The following CAMK4 variants were observed in gnomAD, a reference collection of about 807,000 sequenced individuals.
CAMK4 encodes calcium/calmodulin-dependent protein kinase type IV.
A neutral mutation model predicts 44.9 loss-of-function variants in CAMK4; 22 were observed. The observed-to-expected ratio is 0.49, with a 90% CI of 0.35 to 0.70. CAMK4 has a LOEUF of 0.70. CAMK4 is among the 30% of genes least tolerant of loss of function. CAMK4 has a pLI of 0.01. For missense variants in CAMK4, 498 were observed against 586.8 expected (o/e 0.85, Z 1.56); for synonymous variants, 218 against 215.4 (o/e 1.01, Z -0.11).
At chr5:111,296,975 G>A (rs543851297) in intron 1 of CAMK4, among the ~76,000 whole-genome samples, 17 of 152,298 alleles carry the variant, frequency 1.1e-4, no homozygotes, top group African/African-American at 4.1e-4. Flanking sequence ...AGGTTTTAAA[G>A]GTGAAAACTT....
At chr5:111,355,486 T>TTTATTTA (rs1554064297) in intron 2 of CAMK4, among the ~76,000 whole-genome samples, 1 of 146,822 alleles carries the variant, frequency 6.8e-6, no homozygotes, top group Admixed American at 6.8e-5. Context: ...TCTGCATTCT[T>TTTATTTA]TTTATTTATT....
intron 1 of CAMK4, among the ~76,000 whole-genome samples, chr5:111,284,483 G>A (rs1751155854): frequency 6.6e-6 from 1 of 152,044 alleles, no homozygotes; most frequent in South Asian, 2.1e-4. Context: ...AACCTTTGAG[G>A]GCTGACTTGT....
At chr5:111,382,471 T>C (rs1297367579) in intron 4 of CAMK4, among the ~76,000 whole-genome samples, 1 of 152,206 alleles carries the variant, frequency 6.6e-6, no homozygotes, top group African/African-American at 2.4e-5. Context: ...AAATTAGTCA[T>C]CAATGTAATT....
intron 7 of CAMK4, among the ~76,000 whole-genome samples, chr5:111,465,636 C>T (rs1356914553): frequency 6.6e-6 from 1 of 152,106 alleles, no homozygotes; most frequent in Non-Finnish European, 1.5e-5. Flanking sequence ...AAATATACCA[C>T]CCTCTTAGAT....
intron 1 of CAMK4, among the ~76,000 whole-genome samples, chr5:111,281,305 T>C (rs567329174): frequency 6.6e-6 from 1 of 152,344 alleles, no homozygotes; most frequent in Non-Finnish European, 1.5e-5. Context: ...CTGCCAGTGA[T>C]TTTGCACTCC....
chr5:111,443,476 G>A (rs1339028275), intron 5 of CAMK4, among the ~76,000 whole-genome samples: 1 of 150,768 alleles, frequency 6.6e-6, no homozygotes, highest in Non-Finnish European at 1.5e-5. Context: ...GCATTTAATT[G>A]CTTTGTTTTG....
chr5:111,438,855 T>G (rs1240446236), intron 5 of CAMK4, among the ~76,000 whole-genome samples: 1 of 152,232 alleles, frequency 6.6e-6, no homozygotes, highest in Non-Finnish European at 1.5e-5. Context: ...TTAACATTTT[T>G]CAACTTAGTT....
chr5:111,280,652 G>A (rs569360496), intron 1 of CAMK4, among the ~76,000 whole-genome samples: 1 of 152,304 alleles, frequency 6.6e-6, no homozygotes, highest in African/African-American at 2.4e-5. Flanking sequence ...CAAACTGAAA[G>A]GTTTGCTGAG....
chr5:111,284,577 T>G (rs1472161735), intron 1 of CAMK4, among the ~76,000 whole-genome samples: 1 of 152,082 alleles, frequency 6.6e-6, no homozygotes, highest in Admixed American at 6.5e-5. Flanking sequence ...TTGCTCTACC[T>G]CCCCACCTCC....
At chr5:111,231,278 A>C (rs1748462353) in intron 1 of CAMK4, among the ~76,000 whole-genome samples, 1 of 152,196 alleles carries the variant, frequency 6.6e-6, no homozygotes, top group Non-Finnish European at 1.5e-5. Context: ...AGGGTAATGC[A>C]AGTAGACCTT....
chr5:111,255,113 A>G (rs1208573277), intron 1 of CAMK4, among the ~76,000 whole-genome samples: 1 of 152,198 alleles, frequency 6.6e-6, no homozygotes, highest in Non-Finnish European at 1.5e-5. Context: ...CTGTGTATCA[A>G]AATTCCCTGG....
At chr5:111,362,563 CCT>C (rs1476913847) in intron 2 of CAMK4, among the ~76,000 whole-genome samples, 2 of 152,014 alleles carry the variant, frequency 1.3e-5, no homozygotes, top group East Asian at 3.9e-4. Context: ...TGGATATATT[CCT>C]CACTCTTTTT....
intron 1 of CAMK4, among the ~76,000 whole-genome samples, chr5:111,264,992 C>A (rs1034694842): frequency 6.6e-6 from 1 of 152,044 alleles, no homozygotes; most frequent in East Asian, 1.9e-4. Context: ...ATCCAATATA[C>A]GGTTAGTCCC....
intron 1 of CAMK4, among the ~76,000 whole-genome samples, chr5:111,279,964 A>T (rs1226115191): frequency 1.3e-5 from 2 of 152,210 alleles, no homozygotes; most frequent in Non-Finnish European, 2.9e-5. Flanking sequence ...GGACATGGTC[A>T]TTTGGAAGAA....
At chr5:111,392,919 A>T (rs396835) in intron 4 of CAMK4, among the ~76,000 whole-genome samples, 133,716 of 152,064 alleles carry the variant, frequency 0.88, 59,010 homozygotes, top group East Asian at 1. Flanking sequence ...CCTATTACTG[A>T]CCCAGGAAGA....
At position 111,312,088 on chromosome 5, in the gene CAMK4, C is replaced by T. The variant is rs79737856; in HGVS notation, c.162-31936C>T. ...TCTTGATTTTCTAGTTATGAATTTTCATACAAAGAACTTATTCATTCTAAG... is the reference window on the plus strand; with the variant it reads ...TCTTGATTTTCTAGTTATGAATTTTTATACAAAGAACTTATTCATTCTAAG... On this transcript the variant is annotated intron_variant, in intron 1 of 10. Transcript: ENST00000282356. 4.4e-3 allele frequency among the ~76,000 whole-genome samples: 675 copies of T among 152,202 alleles called. 5 individuals carry two copies. The highest frequency in any genetic ancestry group is 0.016 in the African/African-American group (655 of 41,524).
chr5:111,480,572 A>G (rs890591279), intron 9 of CAMK4, among the ~76,000 whole-genome samples: 6 of 152,132 alleles, frequency 3.9e-5, no homozygotes, highest in African/African-American at 1.4e-4. Flanking sequence ...GGATGAAACA[A>G]TGGATCTGGA....
chr5:111,394,382 G>A (rs1751919660), intron 4 of CAMK4, among the ~76,000 whole-genome samples: 1 of 152,146 alleles, frequency 6.6e-6, no homozygotes, highest in Admixed American at 6.5e-5. Context: ...AAAGCTATGT[G>A]ACAATTACAT....
chr5:111,400,314 C>A (rs957483211), intron 5 of CAMK4, among the ~76,000 whole-genome samples: 2 of 152,092 alleles, frequency 1.3e-5, no homozygotes, highest in Non-Finnish European at 2.9e-5. Flanking sequence ...TAAAACTTGC[C>A]AGAAATGGCT....
Sources: gnomAD v4.1 joint callset for allele counts (sites outside exome capture counted in the v4.1 genomes callset) on GRCh38, gnomAD v4.1.1 for gene constraint, MANE v1.5 for transcripts, NCBI Gene and HGNC (gene_info 2026-07-23, HGNC 2026-07-21) for gene names.